The following COL4A5 variants were observed in gnomAD, a reference collection of about 807,000 sequenced individuals.
COL4A5 encodes the protein collagen type IV alpha 5 chain.
Under a neutral mutation model 130.2 loss-of-function variants are expected in COL4A5, and 26 were observed. That is an observed-to-expected ratio of 0.20 (90% CI 0.15 to 0.28). The LOEUF (loss-of-function observed/expected upper bound fraction) is 0.28, where lower values mean the gene tolerates loss of function less well. COL4A5 is among the 10% of genes least tolerant of loss of function. The pLI is 1.00. For missense variants in COL4A5, 1,131 were observed against 1,344.3 expected (o/e 0.84, Z 2.48); for synonymous variants, 496 against 439.6 (o/e 1.13, Z -1.60).
intron 36 of COL4A5, among the ~76,000 whole-genome samples, chrX:108,654,511 T>C (rs753630515): frequency 1.8e-5 from 2 of 112,748 alleles, no homozygotes; most frequent in Non-Finnish European, 3.8e-5. Flanking sequence ...AGTGGCATGA[T>C]CACGGCTCAA....
intron 1 of COL4A5, chrX:108,463,081 G>T (rs1331108376): frequency 9.0e-6 from 1 of 111,514 alleles, no homozygotes. Flanking sequence ...TTAATTTAAG[G>T]TCTCGTGAAA....
At chrX:108,653,133 C>A (rs1475023706) in intron 36 of COL4A5, among the ~76,000 whole-genome samples, 1 of 111,379 alleles carries the variant, frequency 9.0e-6, no homozygotes, top group East Asian at 2.8e-4. Flanking sequence ...CTTAAGCTAG[C>A]AAATTTCAGT....
rs753440464 is a variant in COL4A5, at chrX:108,568,576, AT to A, written c.277-49del. 6.7e-5 allele frequency: 58 copies of A among 867,520 alleles called. No individual in the cohort carries two copies. In the South Asian group the frequency reaches 1.1e-3, roughly 17 times the overall value. The allele number at this position is 867,520 out of a possible 1,213,427, so 71.5% of individuals were successfully genotyped here. A position where few individuals can be genotyped will look rare whatever the true frequency, so the allele number is the denominator to read the frequency against. ...TCATAATATCCTTAGGTAGGATATTATTTTATTTTTATGGGTTGTCATTTAG... is the reference window on the plus strand; with the variant it reads ...TCATAATATCCTTAGGTAGGATATTATTTATTTTTATGGGTTGTCATTTAG... On this transcript the variant is annotated intron_variant, in intron 4 of 52. Coordinates refer to ENST00000328300, the MANE Select transcript of COL4A5 (RefSeq NM_033380.3).
At chrX:108,617,562 A>G (rs898352620) in intron 30 of COL4A5, among the ~76,000 whole-genome samples, 1 of 111,906 alleles carries the variant, frequency 8.9e-6, no homozygotes, top group African/African-American at 3.2e-5. Context: ...TTCCCATTCC[A>G]TAGCAGGGAA....
Position 108,668,475 on chromosome X carries a change from C to G in COL4A5, c.3761C>G (p.Pro1254Arg). The change falls in exon 41 of 53, where the codon CCT (proline) becomes CGT (arginine). Residue 1254 changes from proline to arginine, a missense_variant. Coordinates refer to ENST00000328300, the MANE Select transcript of COL4A5 (RefSeq NM_033380.3). ...GPALEGPKGN[P>R]GPQGPPGRPG... ...GCTCTGGAAGGACCTAAAGGCAACC[C>G]TGGGCCCCAAGGTCCTCCTGGGAGA... 2 of 1,196,052 alleles carry G rather than the reference C, an allele frequency of 1.7e-6. No individual in the cohort carries two copies. The highest frequency in any genetic ancestry group is 2.3e-6 in the Non-Finnish European group (2 of 887,792).
chrX:108,631,361 A>G (rs1000887741), intron 36 of COL4A5, among the ~76,000 whole-genome samples: 2 of 111,021 alleles, frequency 1.8e-5, no homozygotes, highest in Non-Finnish European at 3.8e-5. Flanking sequence ...TCCTTGAAGA[A>G]GTCCTTCACA....
chrX:108,453,416 A>T (rs1416463427), intron 1 of COL4A5, among the ~76,000 whole-genome samples: 1 of 111,992 alleles, frequency 8.9e-6, no homozygotes, highest in African/African-American at 3.2e-5. Flanking sequence ...AAAAAAGTAA[A>T]ATAATCTCTC....
At chrX:108,550,462 C>T (rs1027393427) in intron 2 of COL4A5, among the ~76,000 whole-genome samples, 13 of 111,668 alleles carry the variant, frequency 1.2e-4, no homozygotes, top group Admixed American at 2.9e-4. Flanking sequence ...TTATCTTAAT[C>T]GATAACAAAG....
chrX:108,589,740 A>G (rs2066400016), intron 19 of COL4A5, among the ~76,000 whole-genome samples: 1 of 111,657 alleles, frequency 9.0e-6, no homozygotes. Flanking sequence ...ATTTATGACT[A>G]AGACTTCAAA....
At chrX:108,608,293 TA>T (rs2066769716) in intron 29 of COL4A5, among the ~76,000 whole-genome samples, 2 of 111,494 alleles carry the variant, frequency 1.8e-5, no homozygotes, top group African/African-American at 6.5e-5. Context: ...ATTTTATTGT[TA>T]AAAAATTTTA....
intron 3 of COL4A5, among the ~76,000 whole-genome samples, chrX:108,561,828 C>A (rs2065903830): frequency 1.8e-5 from 2 of 111,377 alleles, no homozygotes; most frequent in South Asian, 7.5e-4. Context: ...TGGTCATGAT[C>A]TCTGGGAAAA....
chrX:108,541,465 A>G (rs772269824), intron 2 of COL4A5, among the ~76,000 whole-genome samples: 41 of 112,453 alleles, frequency 3.6e-4, no homozygotes, highest in Non-Finnish European at 5.8e-4. Flanking sequence ...ATTTGCATTT[A>G]TATGGCTTTT....
At chrX:108,564,770 A>G (rs2147736615) in intron 4 of COL4A5, among the ~76,000 whole-genome samples, 1 of 111,878 alleles carries the variant, frequency 8.9e-6, no homozygotes, top group Admixed American at 9.5e-5. Context: ...GTGACATAGC[A>G]TGTTTACGTG....
intron 50 of COL4A5, 134 bp from the exon 51 acceptor site, chrX:108,694,673 T>G: frequency 1.9e-6 from 1 of 537,113 alleles, no homozygotes; most frequent in African/African-American, 2.2e-5. Flanking sequence ...TCAAAGTGCA[T>G]TTTTTCACCT....
At chrX:108,613,540 A>C (rs1455908876) in intron 29 of COL4A5, among the ~76,000 whole-genome samples, 1 of 112,348 alleles carries the variant, frequency 8.9e-6, no homozygotes, top group Non-Finnish European at 1.9e-5. Context: ...AGGACTTATA[A>C]GCAGAATATA....
intron 36 of COL4A5, among the ~76,000 whole-genome samples, chrX:108,630,676 T>A (rs1168492572): frequency 8.9e-6 from 1 of 111,885 alleles, no homozygotes; most frequent in Non-Finnish European, 1.9e-5. Flanking sequence ...CCCATTTGTC[T>A]ATTTTGGCTT....
At chrX:108,681,040 G>GAATGAA in intron 46 of COL4A5, 84 bp downstream of exon 46, 1 of 866,724 alleles carries the variant, frequency 1.2e-6, no homozygotes, top group Non-Finnish European at 1.7e-6. Flanking sequence ...CTTTCAGCCA[G>GAATGAA]ACCATCGGAG....
chrX:108,601,356 T>C (rs767297989), intron 25 of COL4A5, 37 bp from the exon 26 acceptor site: 13 of 970,778 alleles, frequency 1.3e-5, no homozygotes, highest in Non-Finnish European at 1.5e-5. Flanking sequence ...GTTGAGTAAA[T>C]ACTTCTCATT....
chrX:108,612,526 TAAAC>T (rs1032013408), intron 29 of COL4A5, among the ~76,000 whole-genome samples: 2 of 111,533 alleles, frequency 1.8e-5, no homozygotes, highest in Non-Finnish European at 3.8e-5. Context: ...AAATAAAAAT[TAAAC>T]AAAAACAGTA....
Sources: gnomAD v4.1 joint callset for allele counts (sites outside exome capture counted in the v4.1 genomes callset) on GRCh38, gnomAD v4.1.1 for gene constraint, MANE v1.5 for transcripts, NCBI Gene and HGNC (gene_info 2026-07-23, HGNC 2026-07-21) for gene names.